CD200R1: variants seen among roughly 807,000 people sequenced by gnomAD.
CD200R1 encodes CD200 receptor 1.
In CD200R1, 30 loss-of-function variants were observed where a neutral mutation model predicts 38.1. The ratio of observed to expected loss-of-function variants is 0.79; its 90% CI spans 0.59 to 1.07. The LOEUF (loss-of-function observed/expected upper bound fraction) is 1.07, where lower values mean the gene tolerates loss of function less well. CD200R1 is among the 50% of genes least tolerant of loss of function. The probability of loss-of-function intolerance (pLI) is 0.00; values close to 1 mark genes in which losing one functional copy is unlikely to be tolerated. For synonymous variants in CD200R1, 128 were observed against 152.1 expected, an observed-to-expected ratio of 0.84 and a Z score of 1.16; for missense variants, 372 against 415.4, an observed-to-expected ratio of 0.90 and a Z score of 0.91.
At chr3:112,933,525 C>T (rs533267930) in intron 2 of CD200R1, among the ~76,000 whole-genome samples, 28 of 152,130 alleles carry the variant, frequency 1.8e-4, no homozygotes, top group East Asian at 9.6e-4. Context: ...TTAGAAGAGG[C>T]GACAATTGCA....
intron 1 of CD200R1, among the ~76,000 whole-genome samples, chr3:112,961,289 T>G (rs1933011557): frequency 6.6e-6 from 1 of 152,018 alleles, no homozygotes; most frequent in Non-Finnish European, 1.5e-5. Context: ...ATTATATATG[T>G]CATTGATAAA....
intron 1 of CD200R1, among the ~76,000 whole-genome samples, chr3:112,950,041 T>C (rs1175334325): frequency 6.6e-6 from 1 of 152,190 alleles, no homozygotes; most frequent in African/African-American, 2.4e-5. Flanking sequence ...TGAAAATATA[T>C]TTCACATCAG....
chr3:112,928,818 G>A lies in CD200R1; in HGVS notation c.767C>T (p.Pro256Leu). The A allele has an allele frequency of 3.1e-6, 5 of 1,605,442 alleles. No homozygotes were observed. The highest frequency in any genetic ancestry group is 4.3e-6 in the Non-Finnish European group (5 of 1,174,394). ...GNKSLYIELL[P>L]VPGAKKSAKL... Reference sequence around the variant, plus strand: ...ATAAAACTAAAAGAATTACTGACCAGGAAGTAGCTCTATGTACAGACTCTT... The same window carrying A: ...ATAAAACTAAAAGAATTACTGACCAAGAAGTAGCTCTATGTACAGACTCTT... Residue 256 changes from proline to leucine, a missense_variant and splice_region_variant, in exon 5 of 8, where the codon CCT becomes CTT. Pro to Leu is a moderately conservative substitution (Grantham distance 98). Transcript: ENST00000308611.
At chr3:112,953,679 G>T (rs1941021606) in intron 1 of CD200R1, among the ~76,000 whole-genome samples, 1 of 152,064 alleles carries the variant, frequency 6.6e-6, no homozygotes. Flanking sequence ...TTGGTAGGTT[G>T]TCTATGTCCA....
At chr3:112,961,893 A>T (rs1933028207) in intron 1 of CD200R1, among the ~76,000 whole-genome samples, 2 of 152,334 alleles carry the variant, frequency 1.3e-5, no homozygotes, top group Admixed American at 6.5e-5. Context: ...GTTAAAGGTG[A>T]CACAGTAATT....
intron 2 of CD200R1, among the ~76,000 whole-genome samples, chr3:112,934,548 A>G (rs1395410568): frequency 6.6e-6 from 1 of 152,048 alleles, no homozygotes; most frequent in East Asian, 1.9e-4. Flanking sequence ...TATAAGACCC[A>G]GCTGGGCATG....
intron 1 of CD200R1, among the ~76,000 whole-genome samples, chr3:112,971,518 G>T (rs1933309471): frequency 6.6e-6 from 1 of 151,992 alleles, no homozygotes; most frequent in Non-Finnish European, 1.5e-5. Flanking sequence ...CGGCATCACA[G>T]AACTTTTTTC....
chr3:112,969,621 C>T (rs532394402), intron 1 of CD200R1, among the ~76,000 whole-genome samples: 7 of 152,156 alleles, frequency 4.6e-5, no homozygotes, highest in East Asian at 3.9e-4. Context: ...CCATATCCAA[C>T]GACTGATTTA....
intron 2 of CD200R1, among the ~76,000 whole-genome samples, chr3:112,942,203 CTTAA>C (rs1940743543): frequency 6.6e-6 from 1 of 151,494 alleles, no homozygotes. Flanking sequence ...TTTTCTTATT[CTTAA>C]TTAATCTAAC....
At chr3:112,968,553 T>G (rs1359709827) in intron 1 of CD200R1, among the ~76,000 whole-genome samples, 1 of 152,124 alleles carries the variant, frequency 6.6e-6, no homozygotes, top group African/African-American at 2.4e-5. Context: ...TTCCCATTAT[T>G]TCCCCATTTT....
At chr3:112,926,478 G>T (rs1389719596) in intron 5 of CD200R1, among the ~76,000 whole-genome samples, 1 of 152,170 alleles carries the variant, frequency 6.6e-6, no homozygotes, top group East Asian at 1.9e-4. Flanking sequence ...TGTACTAGCA[G>T]AAGCTGAAGA....
At chr3:112,971,175 T>C (rs544089180) in intron 1 of CD200R1, among the ~76,000 whole-genome samples, 1 of 152,314 alleles carries the variant, frequency 6.6e-6, no homozygotes, top group Non-Finnish European at 1.5e-5. Context: ...GTATTTCATA[T>C]AACCTATGTA....
intron 1 of CD200R1, among the ~76,000 whole-genome samples, chr3:112,970,797 C>T (rs964339418): frequency 6.6e-6 from 1 of 152,134 alleles, no homozygotes; most frequent in Non-Finnish European, 1.5e-5. Flanking sequence ...ACTAGCATCC[C>T]TCTATCTAAT....
intron 1 of CD200R1, among the ~76,000 whole-genome samples, chr3:112,964,774 A>G (rs968234969): frequency 4.6e-5 from 7 of 152,228 alleles, no homozygotes; most frequent in African/African-American, 1.7e-4. Context: ...AAATGTGAGG[A>G]CATGAGATTT....
At chr3:112,931,597 C>T (rs1009795410) in intron 2 of CD200R1, among the ~76,000 whole-genome samples, 13 of 152,126 alleles carry the variant, frequency 8.5e-5, no homozygotes, top group African/African-American at 2.9e-4. Context: ...TACAGCAGTG[C>T]CCTTTCTCAA....
chr3:112,929,577 C>T (rs1940376990), intron 3 of CD200R1, 70 bp from the exon 4 acceptor site: 5 of 1,348,628 alleles, frequency 3.7e-6, no homozygotes. Context: ...TTATCCACAA[C>T]ATATGAAGTT....
At chr3:112,957,096 C>G (rs1332707981) in intron 1 of CD200R1, among the ~76,000 whole-genome samples, 1 of 152,094 alleles carries the variant, frequency 6.6e-6, no homozygotes, top group Admixed American at 6.6e-5. Context: ...CTCTTTCCCC[C>G]AAGTACACAG....
intron 1 of CD200R1, among the ~76,000 whole-genome samples, chr3:112,973,916 T>A (rs1163314442): frequency 1.3e-5 from 2 of 152,160 alleles, no homozygotes; most frequent in Non-Finnish European, 2.9e-5. Context: ...TATAGGAACC[T>A]AGATGTTGAA....
At chr3:112,949,790 G>T (rs773468446) in intron 1 of CD200R1, among the ~76,000 whole-genome samples, 1 of 152,184 alleles carries the variant, frequency 6.6e-6, no homozygotes, top group Non-Finnish European at 1.5e-5. Flanking sequence ...ATAAAATCAG[G>T]ATTACAAAGG....
Sources: allele counts gnomAD v4.1 joint callset (sites outside exome capture counted in the v4.1 genomes callset), GRCh38; gene constraint gnomAD v4.1.1; transcripts MANE v1.5; gene names NCBI Gene and HGNC (gene_info 2026-07-23, HGNC 2026-07-21).